The following MMP16 variants were observed in gnomAD, a reference collection of about 807,000 sequenced individuals.
MMP16 encodes matrix metallopeptidase 16, also known as matrix metalloproteinase-16.
In MMP16, 12 loss-of-function variants were observed where a neutral mutation model predicts 67.8. The ratio of observed to expected loss-of-function variants is 0.18; its 90% CI spans 0.11 to 0.29. The LOEUF is 0.29. Among genes scored for constraint, MMP16 ranks in the 10% least tolerant of loss-of-function variants. The pLI, the probability that MMP16 is intolerant of heterozygous loss-of-function variation, is 1.00. For synonymous variants in MMP16, 249 were observed against 255.9 expected (o/e 0.97, Z 0.26); for missense variants, 475 against 765.7 (o/e 0.62, Z 4.48).
At chr8:88,095,211 G>T (rs1037253654) in intron 6 of MMP16, among the ~76,000 whole-genome samples, 4 of 151,748 alleles carry the variant, frequency 2.6e-5, no homozygotes, top group Admixed American at 2.0e-4. Flanking sequence ...ATGTTGCCTT[G>T]AAATTTGACT....
intron 6 of MMP16, among the ~76,000 whole-genome samples, chr8:88,102,295 T>G (rs1186737149): frequency 1.3e-5 from 2 of 151,772 alleles, no homozygotes; most frequent in South Asian, 2.1e-4. Context: ...GTCTCAACTA[T>G]CCGATCCCCT....
intron 2 of MMP16, among the ~76,000 whole-genome samples, chr8:88,196,848 A>G (rs1342875914): frequency 1.3e-5 from 2 of 152,088 alleles, no homozygotes; most frequent in Non-Finnish European, 2.9e-5. Context: ...CAATCACACA[A>G]CCCACCTCTG....
intron 1 of MMP16, among the ~76,000 whole-genome samples, chr8:88,299,956 A>G: frequency 6.6e-6 from 1 of 152,230 alleles, no homozygotes; most frequent in East Asian, 1.9e-4. Flanking sequence ...GGTACTAAAT[A>G]GAAACTAGAA....
At chr8:88,267,610 G>T (rs1810494693) in intron 1 of MMP16, among the ~76,000 whole-genome samples, 1 of 152,108 alleles carries the variant, frequency 6.6e-6, no homozygotes, top group Non-Finnish European at 1.5e-5. Context: ...TGCCACCTCA[G>T]GGTTAGTTGC....
At chr8:88,044,762 A>T (rs556790779) in intron 9 of MMP16, among the ~76,000 whole-genome samples, 2 of 152,208 alleles carry the variant, frequency 1.3e-5, no homozygotes, top group African/African-American at 4.8e-5. Flanking sequence ...GTTCCCTGAG[A>T]GCAGTGCCTC....
chr8:88,254,916 T>C (rs1296636953), intron 1 of MMP16, among the ~76,000 whole-genome samples: 1 of 152,212 alleles, frequency 6.6e-6, no homozygotes, highest in Non-Finnish European at 1.5e-5. Context: ...AAGATATTAA[T>C]AAAAGGAGAA....
intron 1 of MMP16, among the ~76,000 whole-genome samples, chr8:88,311,638 A>T (rs945472204): frequency 6.6e-6 from 1 of 152,182 alleles, no homozygotes; most frequent in Non-Finnish European, 1.5e-5. Context: ...GTATTTAAAA[A>T]TTCTCTTAGA....
intron 1 of MMP16, among the ~76,000 whole-genome samples, chr8:88,269,766 G>A (rs1014052431): frequency 1.3e-5 from 2 of 152,008 alleles, no homozygotes; most frequent in African/African-American, 4.8e-5. Context: ...TTTGCTCTAC[G>A]ACCTATTAAA....
intron 1 of MMP16, among the ~76,000 whole-genome samples, chr8:88,261,734 T>C (rs1002635864): frequency 1.2e-4 from 18 of 150,336 alleles, no homozygotes; most frequent in African/African-American, 3.7e-4. Context: ...CACATACATA[T>C]CTATACACAT....
In MMP16 at chr8:88,112,666, G is replaced by GGTGTGTGTGTGTGTGTGTGTGTGTGT. The variant is rs6150692; in HGVS notation, c.1083+3840_1083+3841insACACACACACACACACACACACACAC. ...AATTTTTCATGCATAAGGACAGAAG[G>GGTGTGTGTGTGTGTGTGTGTGTGTGT]GTGTGTGTGTGTGTGTGTCTGTGTG... On this transcript the variant is annotated intron_variant, in intron 6 of 9. Coordinates refer to ENST00000286614, the MANE Select transcript of MMP16 (RefSeq NM_005941.5). Among the ~76,000 whole-genome samples the GGTGTGTGTGTGTGTGTGTGTGTGTGT allele has an allele frequency of 1.2e-3, 169 of 146,898 alleles. 1 individual carries two copies. The highest frequency in any genetic ancestry group is 1.7e-3 in the Non-Finnish European group (112 of 66,604).
At chr8:88,064,285 G>C (rs377582343) in intron 7 of MMP16, among the ~76,000 whole-genome samples, 1 of 152,112 alleles carries the variant, frequency 6.6e-6, no homozygotes, top group Non-Finnish European at 1.5e-5. Flanking sequence ...TCTGTGCATA[G>C]AATAGTCAGT....
At chr8:88,140,669 T>A (rs1018968406) in intron 4 of MMP16, among the ~76,000 whole-genome samples, 4 of 152,304 alleles carry the variant, frequency 2.6e-5, no homozygotes, top group Admixed American at 2.0e-4. Flanking sequence ...ATAACTAAGT[T>A]CTTTTTAATA....
At chr8:88,182,252 C>A (rs1808992595) in intron 3 of MMP16, among the ~76,000 whole-genome samples, 1 of 151,992 alleles carries the variant, frequency 6.6e-6, no homozygotes, top group East Asian at 1.9e-4. Context: ...GGAAACAGAA[C>A]TGATGAAAGA....
intron 1 of MMP16, among the ~76,000 whole-genome samples, chr8:88,259,069 G>T (rs915544227): frequency 6.6e-5 from 10 of 152,202 alleles, no homozygotes; most frequent in African/African-American, 2.4e-4. Context: ...TACAGATGAA[G>T]AAAATGAAGA....
intron 8 of MMP16, among the ~76,000 whole-genome samples, chr8:88,047,994 G>A (rs1249995159): frequency 6.6e-6 from 1 of 152,180 alleles, no homozygotes; most frequent in Non-Finnish European, 1.5e-5. Context: ...TCATGGATTA[G>A]ATGTGGGATG....
chr8:88,250,204 T>C (rs1353049362), intron 1 of MMP16, among the ~76,000 whole-genome samples: 1 of 152,020 alleles, frequency 6.6e-6, no homozygotes. Context: ...AAATTTCTAG[T>C]CCATTTGCAT....
chr8:88,155,541 T>C (rs1808494335), intron 4 of MMP16, among the ~76,000 whole-genome samples: 1 of 152,144 alleles, frequency 6.6e-6, no homozygotes, highest in Non-Finnish European at 1.5e-5. Flanking sequence ...ATTATCTGTT[T>C]GCTTATGTAT....
chr8:88,047,169 T>TA (rs1305329703), intron 8 of MMP16, among the ~76,000 whole-genome samples: 1 of 152,208 alleles, frequency 6.6e-6, no homozygotes, highest in East Asian at 1.9e-4. Context: ...CATGAGTTTT[T>TA]AAAAAACCTT....
In MMP16 at chr8:88,035,452, A is replaced by T. The variant is rs1264516307; in HGVS notation, c.*6009T>A. The T allele has an allele frequency of 6.6e-6, 1 of 152,050 alleles. No homozygotes were observed. The highest frequency in any genetic ancestry group is 1.9e-4 in the East Asian group (1 of 5,188). 9.4% of individuals were successfully genotyped at this position (152,050 alleles called of 1,614,324 possible). A position where few individuals can be genotyped will look rare whatever the true frequency, so the allele number is the denominator to read the frequency against. On this transcript the variant is annotated 3_prime_UTR_variant, in exon 10 of 10. Transcript: ENST00000286614. The surrounding 1 kb of genome is among the most constrained non-coding windows in gnomAD (Gnocchi z 4.7). ...AGACACACTCATCTTTAAGTTGAAAAGGCATAGAATCCTCAGAAATCTCTA... is the reference window on the plus strand; with the variant it reads ...AGACACACTCATCTTTAAGTTGAAATGGCATAGAATCCTCAGAAATCTCTA...
Sources: allele counts gnomAD v4.1 joint callset (sites outside exome capture counted in the v4.1 genomes callset), GRCh38; gene constraint gnomAD v4.1.1; non-coding constraint Gnocchi (gnomAD v3.1); transcripts MANE v1.5; gene names NCBI Gene and HGNC (gene_info 2026-07-23, HGNC 2026-07-21).